Variants in HPSE2 observed in about 807,000 individuals in gnomAD.
HPSE2 encodes the protein inactive heparanase-2.
In HPSE2, 38 loss-of-function variants were observed where a neutral mutation model predicts 60.5. The ratio of observed to expected loss-of-function variants is 0.63; its 90% confidence interval spans 0.48 to 0.82. The LOEUF (loss-of-function observed/expected upper bound fraction) is 0.82, where lower values mean the gene tolerates loss of function less well. Among genes scored for constraint, HPSE2 ranks in the 40% least tolerant of loss-of-function variants. The probability of loss-of-function intolerance (pLI) is 0.00; values close to 1 mark genes in which losing one functional copy is unlikely to be tolerated. For missense variants in HPSE2, 713 were observed against 740.4 expected (o/e 0.96, Z 0.43); for synonymous variants, 295 against 293.2 (o/e 1.01, Z -0.06).
At position 98,673,250 on chromosome 10, in the gene HPSE2, A is replaced by C. The variant is rs115265240; in HGVS notation, c.1004+20650T>G. 5.5e-3 allele frequency among the ~76,000 whole-genome samples: 842 copies of C among 152,346 alleles called. 4 individuals are homozygous for C. The highest frequency in any genetic ancestry group is 0.019 in the African/African-American group (797 of 41,576). ...GCTCTCAAAGGGATCAAATGACACT[A>C]GAGACAAATGTATCAAGTTGCTGTG... On this transcript the variant is annotated intron_variant, in intron 6 of 11. Coordinates refer to ENST00000370552, the MANE Select transcript of HPSE2 (RefSeq NM_021828.5).
intron 6 of HPSE2, among the ~76,000 whole-genome samples, chr10:98,673,272 T>C (rs1335681042): frequency 6.6e-6 from 1 of 152,242 alleles, no homozygotes; most frequent in African/African-American, 2.4e-5. Context: ...ATCAAGTTGC[T>C]GTGGCAACTG....
intron 2 of HPSE2, among the ~76,000 whole-genome samples, chr10:99,223,240 T>A (rs1849369175): frequency 1.3e-5 from 2 of 152,136 alleles, no homozygotes; most frequent in Non-Finnish European, 1.5e-5. Flanking sequence ...ACTTTCCTCA[T>A]AGGGTTGATG....
At chr10:98,558,684 G>T (rs1012492050) in intron 9 of HPSE2, among the ~76,000 whole-genome samples, 1 of 152,204 alleles carries the variant, frequency 6.6e-6, no homozygotes, top group Admixed American at 6.5e-5. Flanking sequence ...AACTGAATAC[G>T]TGGGCATTTT....
At chr10:99,109,005 G>A (rs994690252) in intron 3 of HPSE2, among the ~76,000 whole-genome samples, 6 of 151,984 alleles carry the variant, frequency 3.9e-5, no homozygotes, top group African/African-American at 1.4e-4. Context: ...CATGAATCTC[G>A]GTCAGGAAGG....
chr10:99,143,268 G>A (rs1845930762), intron 3 of HPSE2, among the ~76,000 whole-genome samples: 1 of 152,048 alleles, frequency 6.6e-6, no homozygotes, highest in African/African-American at 2.4e-5. Context: ...ATGAAAAGCT[G>A]GAAGAGTCCT....
intron 3 of HPSE2, among the ~76,000 whole-genome samples, chr10:99,133,316 G>A (rs576939237): frequency 2.4e-4 from 36 of 152,304 alleles, no homozygotes; most frequent in African/African-American, 8.7e-4. Flanking sequence ...TGCAGTTTCC[G>A]CAAACTTAAA....
At chr10:99,066,405 A>G (rs932206082) in intron 3 of HPSE2, among the ~76,000 whole-genome samples, 7 of 152,094 alleles carry the variant, frequency 4.6e-5, no homozygotes, top group Admixed American at 3.9e-4. Context: ...AAAAGAGAGG[A>G]AAAAAAATAA....
intron 3 of HPSE2, among the ~76,000 whole-genome samples, chr10:99,121,385 C>A (rs994763037): frequency 6.6e-6 from 1 of 152,016 alleles, no homozygotes. Context: ...GTAGAACAAA[C>A]CCCCATGACA....
intron 3 of HPSE2, among the ~76,000 whole-genome samples, chr10:98,906,092 C>CA (rs772322026): frequency 2.0e-5 from 3 of 152,190 alleles, no homozygotes; most frequent in Non-Finnish European, 2.9e-5. Context: ...CTGATCCTCT[C>CA]ATCTCCAATC....
rs1408154126 is a variant in HPSE2, at chr10:98,459,530, A to G, written c.*44T>C. The G allele has an allele frequency of 2.5e-6, 4 of 1,604,272 alleles. No individual in the cohort carries two copies. The South Asian group carries it at 4.4e-5, about 18-fold the overall frequency. On this transcript the variant is annotated 3_prime_UTR_variant, in exon 12 of 12. Transcript: ENST00000370552. Reference sequence around the variant, plus strand: ...GATACTACTGGAGTGGAGGAGTGGAAGCAGCCCAGCAGGCCCACTGGTAGC... The same window carrying G: ...GATACTACTGGAGTGGAGGAGTGGAGGCAGCCCAGCAGGCCCACTGGTAGC...
chr10:98,594,626 G>T (rs1307649546), intron 9 of HPSE2, among the ~76,000 whole-genome samples: 1 of 152,052 alleles, frequency 6.6e-6, no homozygotes, highest in East Asian at 1.9e-4. Flanking sequence ...TGTCTCAAAT[G>T]ACAGGATTCC....
the HPSE2 span, among the ~76,000 whole-genome samples, chr10:99,257,202 A>T: frequency 6.6e-6 from 1 of 152,164 alleles, no homozygotes; most frequent in Non-Finnish European, 1.5e-5. Flanking sequence ...TTGTTTGTAG[A>T]GCATGTGTGT....
chr10:98,866,008 TC>T (rs1352673993), intron 3 of HPSE2, among the ~76,000 whole-genome samples: 1 of 152,118 alleles, frequency 6.6e-6, no homozygotes, highest in African/African-American at 2.4e-5. Context: ...CAATTATCTC[TC>T]ATTCAATGAA....
intron 2 of HPSE2, among the ~76,000 whole-genome samples, chr10:99,154,735 C>A (rs567330718): frequency 9.9e-5 from 15 of 151,286 alleles, no homozygotes; most frequent in African/African-American, 2.4e-4. Flanking sequence ...ATGACAGGAT[C>A]AAATTCACAC....
chr10:99,213,526 C>T (rs1849019286), intron 2 of HPSE2, among the ~76,000 whole-genome samples: 1 of 152,062 alleles, frequency 6.6e-6, no homozygotes, highest in Admixed American at 6.6e-5. Context: ...CACCCACACA[C>T]AACTTCAGTT....
At chr10:98,472,775 CAT>C (rs1940832456) in intron 11 of HPSE2, among the ~76,000 whole-genome samples, 1 of 152,108 alleles carries the variant, frequency 6.6e-6, no homozygotes, top group Non-Finnish European at 1.5e-5. Context: ...GAAAGGTAAA[CAT>C]ATTTAACTAT....
chr10:99,091,291 C>T (rs139172818), intron 3 of HPSE2, among the ~76,000 whole-genome samples: 151 of 152,192 alleles, frequency 9.9e-4, no homozygotes, highest in Admixed American at 9.2e-3. Context: ...TTATTAAATG[C>T]CTATGTAGCA....
chr10:98,459,199 T>TA lies in HPSE2; in HGVS notation c.*374dup, dbSNP rs1940171804. 3.6e-6 allele frequency: 1 copy of TA among 280,648 alleles called. No homozygotes were observed. Among genetic ancestry groups the TA allele is most frequent in the Admixed American group, 4.4e-5 (1 of 22,664 alleles). 17.4% of individuals were successfully genotyped at this position (280,648 alleles called of 1,614,324 possible). On this transcript the variant is annotated 3_prime_UTR_variant, in exon 12 of 12. Transcript: ENST00000370552. ...TCTGAGGGCAGCAGCAGCAGCAGGC[T>TA]AAGGTTTGGATTTGTGGTTATAATG...
intron 3 of HPSE2, among the ~76,000 whole-genome samples, chr10:98,748,080 T>C (rs969719362): frequency 2.0e-5 from 3 of 152,044 alleles, no homozygotes; most frequent in African/African-American, 7.2e-5. Flanking sequence ...GGGTGAATCA[T>C]CTGAAGTCAG....
Sources: allele counts gnomAD v4.1 joint callset (sites outside exome capture counted in the v4.1 genomes callset), GRCh38; gene constraint gnomAD v4.1.1; transcripts MANE v1.5; gene names NCBI Gene and HGNC (gene_info 2026-07-23, HGNC 2026-07-21).